Variants in NRG4 observed in about 807,000 individuals in gnomAD.
NRG4 encodes the protein pro-neuregulin-4, membrane-bound isoform.
NRG4 carries 10 observed loss-of-function variants against 15.0 expected under a neutral mutation model. The ratio of observed to expected loss-of-function variants is 0.67; its 90% CI spans 0.41 to 1.13. The LOEUF (loss-of-function observed/expected upper bound fraction) is 1.13. NRG4 is among the 50% of genes most tolerant of loss of function. The pLI is 0.00. For synonymous variants in NRG4, 41 were observed against 50.1 expected (o/e 0.82, Z 0.77); for missense variants, 139 against 140.2 (o/e 0.99, Z 0.04).
At chr15:75,956,724 C>G (rs2032261149) in intron 4 of NRG4, among the ~76,000 whole-genome samples, 1 of 152,144 alleles carries the variant, frequency 6.6e-6, no homozygotes, top group Non-Finnish European at 1.5e-5. Flanking sequence ...TTTTGGACCT[C>G]CTTCAATGAT....
At chr15:76,007,517 C>T (rs955526436) in intron 3 of NRG4, among the ~76,000 whole-genome samples, 2 of 151,444 alleles carry the variant, frequency 1.3e-5, no homozygotes, top group African/African-American at 4.9e-5. Flanking sequence ...GCAAGCTCCA[C>T]CTCCCAGGTT....
intron 3 of NRG4, among the ~76,000 whole-genome samples, chr15:76,001,212 CA>C (rs2034401842): frequency 6.6e-6 from 1 of 151,940 alleles, no homozygotes; most frequent in East Asian, 1.9e-4. Flanking sequence ...AGGCTGGTCT[CA>C]AACTCCTGGC....
intron 5 of NRG4, among the ~76,000 whole-genome samples, chr15:75,944,839 C>T (rs780581111): frequency 4.0e-5 from 6 of 151,882 alleles, no homozygotes; most frequent in Admixed American, 3.9e-4. Context: ...CTTGAAAAAA[C>T]GGTCAAATGA....
At chr15:76,005,779 T>C in intron 3 of NRG4, 1 of 441,352 alleles carries the variant, frequency 2.3e-6, no homozygotes, top group Non-Finnish European at 4.5e-6. Context: ...CATAAAGGTC[T>C]TCATTGTTGT....
chr15:75,957,633 G>A (rs2032306018), intron 4 of NRG4, among the ~76,000 whole-genome samples: 1 of 152,020 alleles, frequency 6.6e-6, no homozygotes, highest in Admixed American at 6.6e-5. Context: ...ACATCTACGG[G>A]TAACTTTCAT....
At chr15:75,979,263 A>C (rs2033505192) in intron 3 of NRG4, among the ~76,000 whole-genome samples, 1 of 151,930 alleles carries the variant, frequency 6.6e-6, no homozygotes, top group South Asian at 2.1e-4. Context: ...TTCAGGTTTT[A>C]TATTTAAGTC....
chr15:75,952,560 AT>A (rs60066418), intron 5 of NRG4, among the ~76,000 whole-genome samples: 145,870 of 149,260 alleles, frequency 0.98, 71,362 homozygotes, highest in East Asian at 1. Flanking sequence ...ATTCATGTGC[AT>A]TTTTTTTTCT....
chr15:76,006,007 G>C (rs1368256007), intron 3 of NRG4, among the ~76,000 whole-genome samples: 3 of 152,186 alleles, frequency 2.0e-5, no homozygotes, highest in Non-Finnish European at 4.4e-5. Flanking sequence ...AGATGGATAG[G>C]TGTGAGGGCT....
chr15:75,976,717 G>A lies in NRG4; in HGVS notation c.105-14743C>T, dbSNP rs192084239. On this transcript the variant is annotated intron_variant, in intron 3 of 5. Transcript: ENST00000394907. ...TCCTCCGGAAGCTTCATCCTAGAGG[G>A]GTACCCGCCAGATGCCAGCCAGAGG... 2.6e-5 allele frequency among the ~76,000 whole-genome samples: 4 copies of A among 152,250 alleles called. No individual in the cohort carries two copies. In the East Asian group the frequency reaches 7.7e-4, roughly 29 times the overall value.
intron 4 of NRG4, among the ~76,000 whole-genome samples, chr15:76,038,509 A>G (rs1358845377): frequency 6.6e-6 from 1 of 152,200 alleles, no homozygotes; most frequent in Non-Finnish European, 1.5e-5. Flanking sequence ...TAGTGACCAT[A>G]AGGTGAGGGT....
chr15:75,936,948 AGATT>A (rs368733592), downstream of NRG4: 10 of 152,286 alleles, frequency 6.6e-5, no homozygotes, highest in African/African-American at 1.9e-4. Flanking sequence ...AAAACAGGGA[AGATT>A]GATTAATTTA....
At chr15:76,006,933 T>G (rs1350050845) in intron 3 of NRG4, among the ~76,000 whole-genome samples, 1 of 152,164 alleles carries the variant, frequency 6.6e-6, no homozygotes, top group Non-Finnish European at 1.5e-5. Context: ...AGATAGATAT[T>G]AAGTGCATAG....
At chr15:75,993,139 G>C (rs1432269931) in intron 3 of NRG4, among the ~76,000 whole-genome samples, 3 of 151,684 alleles carry the variant, frequency 2.0e-5, no homozygotes, top group Non-Finnish European at 4.4e-5. Context: ...CACTTTATCT[G>C]ACTGCTTTCA....
At chr15:75,967,997 G>C (rs546018743) in intron 3 of NRG4, among the ~76,000 whole-genome samples, 2 of 152,288 alleles carry the variant, frequency 1.3e-5, no homozygotes, top group South Asian at 2.1e-4. Context: ...AACTAGCTAA[G>C]GCACAGTGAA....
chr15:75,972,160 A>G (rs746102304), intron 3 of NRG4, among the ~76,000 whole-genome samples: 1 of 152,162 alleles, frequency 6.6e-6, no homozygotes, highest in Admixed American at 6.5e-5. Context: ...GGCCACATAA[A>G]TGTCTTATTT....
intron 1 of NRG4, 157 bp downstream of exon 1, chr15:76,012,162 A>G (rs10851885): frequency 0.18 from 27,149 of 151,948 alleles, 2,835 homozygotes; most frequent in Non-Finnish European, 0.25. Context: ...TTAGACAAGC[A>G]GAGAGGCAGA....
upstream of NRG4, among the ~76,000 whole-genome samples, chr15:76,012,702 A>G (rs993503583): frequency 2.0e-5 from 3 of 152,210 alleles, no homozygotes; most frequent in African/African-American, 7.2e-5. Context: ...GAGAAAAGAA[A>G]TTTTAATGTG....
intron 4 of NRG4, among the ~76,000 whole-genome samples, chr15:76,043,068 T>C (rs907294972): frequency 4.6e-5 from 7 of 152,220 alleles, no homozygotes; most frequent in Non-Finnish European, 8.8e-5. Flanking sequence ...ATTATTTCAA[T>C]TGATGCTGAA....
intron 3 of NRG4, among the ~76,000 whole-genome samples, chr15:75,971,489 C>T (rs960793308): frequency 1.3e-5 from 2 of 152,138 alleles, no homozygotes; most frequent in African/African-American, 4.8e-5. Flanking sequence ...TTGACTTGTG[C>T]CTAACTTGTA....
Sources: gnomAD v4.1 joint callset for allele counts (sites outside exome capture counted in the v4.1 genomes callset) on GRCh38, gnomAD v4.1.1 for gene constraint, MANE v1.5 for transcripts, NCBI Gene and HGNC (gene_info 2026-07-23, HGNC 2026-07-21) for gene names.